The following SGCZ variants were observed in gnomAD, a reference collection of about 807,000 sequenced individuals.
SGCZ encodes zeta-sarcoglycan.
In SGCZ, 40 loss-of-function variants were observed where a neutral mutation model predicts 41.3. That is an observed-to-expected ratio of 0.97 (90% CI 0.75 to 1.26). The LOEUF (loss-of-function observed/expected upper bound fraction) is 1.26, where lower values mean the gene tolerates loss of function less well. Ranked by LOEUF, SGCZ falls within the 50% of genes most tolerant of loss-of-function variation. The probability of loss-of-function intolerance (pLI) is 0.00; values close to 1 mark genes in which losing one functional copy is unlikely to be tolerated. For missense variants in SGCZ, 552 were observed against 369.8 expected, an observed-to-expected ratio of 1.49 and a Z score of -4.04; for synonymous variants, 206 against 137.5, an observed-to-expected ratio of 1.50 and a Z score of -3.49.
intron 4 of SGCZ, among the ~76,000 whole-genome samples, chr8:14,182,123 G>C (rs564236453): frequency 2.0e-5 from 3 of 152,252 alleles, no homozygotes; most frequent in East Asian, 3.9e-4. Context: ...GGCCTGTATA[G>C]TTCTTCCTCT....
intron 1 of SGCZ, among the ~76,000 whole-genome samples, chr8:14,844,186 C>T (rs1306683022): frequency 6.6e-6 from 1 of 152,082 alleles, no homozygotes; most frequent in East Asian, 1.9e-4. Context: ...ATAACCTACA[C>T]ACATTCCCCC....
intron 2 of SGCZ, among the ~76,000 whole-genome samples, chr8:14,541,018 ATATATATG>A (rs751765000): frequency 6.6e-5 from 10 of 150,972 alleles, no homozygotes; most frequent in East Asian, 1.9e-4. Context: ...AGATGAGAAC[ATATATATG>A]TATATATGTA....
chr8:14,308,394 T>A (rs1361207487), intron 3 of SGCZ, among the ~76,000 whole-genome samples: 1 of 152,000 alleles, frequency 6.6e-6, no homozygotes, highest in African/African-American at 2.4e-5. Context: ...TCTGCAGTAT[T>A]TGTGAGTGGA....
At chr8:14,912,243 C>T (rs1377983427) in intron 1 of SGCZ, among the ~76,000 whole-genome samples, 1 of 151,990 alleles carries the variant, frequency 6.6e-6, no homozygotes, top group Non-Finnish European at 1.5e-5. Flanking sequence ...ACCCACCTTG[C>T]TCTGGCTTGA....
At chr8:14,238,997 T>C (rs567805981) in intron 3 of SGCZ, among the ~76,000 whole-genome samples, 16 of 151,736 alleles carry the variant, frequency 1.1e-4, no homozygotes, top group African/African-American at 3.9e-4. Context: ...ATATAAAATT[T>C]TTATTTCGAC....
chr8:15,017,564 C>A (rs1442990674), intron 1 of SGCZ, among the ~76,000 whole-genome samples: 1 of 152,114 alleles, frequency 6.6e-6, no homozygotes, highest in East Asian at 1.9e-4. Flanking sequence ...TGCAATGGCA[C>A]AACCACGGCT....
chr8:15,095,396 G>A (rs1806309697), intron 1 of SGCZ, among the ~76,000 whole-genome samples: 1 of 152,144 alleles, frequency 6.6e-6, no homozygotes, highest in Non-Finnish European at 1.5e-5. Flanking sequence ...ACTGCGCCCA[G>A]CCAAGAAAAC....
chr8:14,426,148 A>G (rs1052390731), intron 2 of SGCZ, among the ~76,000 whole-genome samples: 7 of 152,146 alleles, frequency 4.6e-5, no homozygotes, highest in Admixed American at 2.0e-4. Context: ...TAAGGGATTC[A>G]GCCCCTAATA....
chr8:14,135,840 C>G (rs1019918839), intron 5 of SGCZ, among the ~76,000 whole-genome samples: 2 of 152,008 alleles, frequency 1.3e-5, no homozygotes, highest in Admixed American at 1.3e-4. Context: ...ATACCAAAAT[C>G]AGACCAAAAA....
rs534842991 is a variant in SGCZ, at chr8:14,951,062, C to A, written c.39+286523G>T. On this transcript the variant is annotated intron_variant, in intron 1 of 7. Transcript: ENST00000382080. ...GTGTGGAGAAAATAACATGAAGGAG[C>A]CACATTATTTTTAAAATCTGGTTGT... Among the ~76,000 whole-genome samples, 10 of 151,988 alleles carry A rather than the reference C, an allele frequency of 6.6e-5. No homozygotes were observed. The South Asian group carries it at 2.1e-3, about 32-fold the overall frequency.
intron 2 of SGCZ, among the ~76,000 whole-genome samples, chr8:14,390,287 TAATAA>T (rs1804723567): frequency 6.6e-6 from 1 of 151,910 alleles, no homozygotes; most frequent in Non-Finnish European, 1.5e-5. Context: ...AATTTGTTTC[TAATAA>T]AATATTATTT....
chr8:14,489,880 T>C (rs978679376), intron 2 of SGCZ, among the ~76,000 whole-genome samples: 1 of 148,232 alleles, frequency 6.7e-6, no homozygotes, highest in African/African-American at 2.5e-5. Context: ...TTTTTTTTTT[T>C]TCCTGAGATG....
chr8:14,517,510 C>T (rs1259020997), intron 2 of SGCZ, among the ~76,000 whole-genome samples: 1 of 151,870 alleles, frequency 6.6e-6, no homozygotes, highest in Non-Finnish European at 1.5e-5. Flanking sequence ...TAAAATAGGC[C>T]TTTAACTTTG....
At position 15,067,449 on chromosome 8, in the gene SGCZ, ATAAGT is replaced by A. The variant is rs1239416820; in HGVS notation, c.39+170131_39+170135del. 2.0e-5 allele frequency among the ~76,000 whole-genome samples: 3 copies of A among 152,180 alleles called. 1 individual carries two copies. In the South Asian group the frequency reaches 6.2e-4, roughly 32 times the overall value. Reference sequence around the variant, plus strand: ...TACTGTACTGATAAACCTACCATAGATAAGTTAAGTGACTTTACAGAGGTTATTCA... The same window carrying A: ...TACTGTACTGATAAACCTACCATAGATAAGTGACTTTACAGAGGTTATTCA... On this transcript the variant is annotated intron_variant, in intron 1 of 7. Coordinates refer to ENST00000382080, the MANE Select transcript of SGCZ (RefSeq NM_139167.4).
At chr8:14,433,677 C>T (rs1800008284) in intron 2 of SGCZ, among the ~76,000 whole-genome samples, 2 of 152,106 alleles carry the variant, frequency 1.3e-5, no homozygotes, top group African/African-American at 4.8e-5. Flanking sequence ...GTTGCCAATG[C>T]TCACATAATT....
chr8:15,233,028 T>C (rs1232188777), intron 1 of SGCZ, among the ~76,000 whole-genome samples: 4 of 151,800 alleles, frequency 2.6e-5, no homozygotes, highest in African/African-American at 9.7e-5. Flanking sequence ...TAAGTCTTTG[T>C]GACTAGTTGC....
rs748629706 is a variant in SGCZ, at chr8:14,108,167, G to T, written c.616C>A (p.Leu206Ile). ...PHIRAEPSQDLRLESPTRSLI... is the reference protein window; with the variant it reads ...PHIRAEPSQDIRLESPTRSLI... ...GGTATAAGAGGAAGCCCTTACCTGA[G>T]ATCTTGGGATGGCTCTGCTCTGATG... The change falls in exon 6 of 8, where the codon CTC (leucine) becomes ATC (isoleucine). Residue 206 changes from leucine (L) to isoleucine (I), a missense_variant. Coordinates refer to ENST00000382080, the MANE Select transcript of SGCZ (RefSeq NM_139167.4). 2 of 1,614,064 alleles carry T rather than the reference G, an allele frequency of 1.2e-6. No homozygotes were observed. The highest frequency in any genetic ancestry group is 1.1e-5 in the South Asian group (1 of 91,082).
At chr8:14,430,697 C>G (rs1799919604) in intron 2 of SGCZ, among the ~76,000 whole-genome samples, 1 of 152,094 alleles carries the variant, frequency 6.6e-6, no homozygotes, top group African/African-American at 2.4e-5. Flanking sequence ...CTAGTCAGAG[C>G]AACCAGACAA....
At chr8:14,387,182 G>C (rs1804605781) in intron 2 of SGCZ, among the ~76,000 whole-genome samples, 2 of 152,118 alleles carry the variant, frequency 1.3e-5, no homozygotes. Context: ...TGAGTAGCTA[G>C]GACTACATGT....
Sources: allele counts gnomAD v4.1 joint callset (sites outside exome capture counted in the v4.1 genomes callset), GRCh38; gene constraint gnomAD v4.1.1; transcripts MANE v1.5; gene names NCBI Gene and HGNC (gene_info 2026-07-23, HGNC 2026-07-21).